Variants in SYPL1 observed in about 807,000 individuals in gnomAD.
SYPL1 encodes the protein synaptophysin-like protein 1.
Under a neutral mutation model 23.7 loss-of-function variants are expected in SYPL1, and 6 were observed. That is an observed-to-expected ratio of 0.25 (90% CI 0.14 to 0.50). The LOEUF is 0.50. SYPL1 is among the 20% of genes least tolerant of loss of function. SYPL1 has a pLI of 0.98. For synonymous variants in SYPL1, 102 were observed against 104.5 expected, an observed-to-expected ratio of 0.98 and a Z score of 0.15; for missense variants, 253 against 288.9, an observed-to-expected ratio of 0.88 and a Z score of 0.90.
At position 106,104,832 on chromosome 7, in the gene SYPL1, T is replaced by C. The variant is rs1840510211; in HGVS notation, c.70-5550A>G. Among the ~76,000 whole-genome samples, 1 of 152,224 alleles carries C rather than the reference T, an allele frequency of 6.6e-6. No homozygotes were observed. Among genetic ancestry groups the C allele is most frequent in the East Asian group, 1.9e-4 (1 of 5,200 alleles). ...CTTCTCCCTATATTCTACTGCTATT[T>C]TGATCTAGACTGGAAGTTATATACT... On this transcript the variant is annotated intron_variant, in intron 1 of 4. Coordinates refer to ENST00000455385, the MANE Select transcript of SYPL1 (RefSeq NM_182715.4). The surrounding 1 kb of genome is among the most constrained non-coding windows in gnomAD (Gnocchi z 4.1).
At position 106,104,844 on chromosome 7, in the gene SYPL1, G is replaced by A. The variant is rs1396262463; in HGVS notation, c.70-5562C>T. 1.3e-5 allele frequency among the ~76,000 whole-genome samples: 2 copies of A among 152,146 alleles called. No homozygotes were observed. The highest frequency in any genetic ancestry group is 4.8e-5 in the African/African-American group (2 of 41,408). ...TTCTACTGCTATTTTGATCTAGACT[G>A]GAAGTTATATACTGGCAGCCTGTTG... On this transcript the variant is annotated intron_variant, in intron 1 of 4. Transcript: ENST00000455385. This position sits in a 1 kb window ranked among gnomAD's most constrained non-coding sequence, Gnocchi z 4.1.
At chr7:106,108,362 A>G (rs987464727) in intron 1 of SYPL1, among the ~76,000 whole-genome samples, 15 of 152,148 alleles carry the variant, frequency 9.9e-5, no homozygotes, top group African/African-American at 3.4e-4. Flanking sequence ...TGCCACTGAC[A>G]TAATTTGAAT....
rs1335639479 is a variant in SYPL1 at position 106,097,355 on chromosome 7, AAG to A, written c.402+333_402+334del. Among the ~76,000 whole-genome samples the A allele has an allele frequency of 5.3e-5, 8 of 152,366 alleles. No individual in the cohort carries two copies. The highest frequency in any genetic ancestry group is 1.9e-4 in the African/African-American group (8 of 41,590). On this transcript the variant is annotated intron_variant, in intron 3 of 4. Transcript: ENST00000455385. The surrounding 1 kb of genome is among the most constrained non-coding windows in gnomAD (Gnocchi z 4.6). ...AGAAAGAAAAAAAGTAAGAAGCAGA[AAG>A]AGTTATGAGACTATGTTGTGATAAG... is the stretch of plus-strand genomic sequence containing the variant.
At chr7:106,112,051 GC>G (rs1790185222) in intron 1 of SYPL1, 88 bp downstream of exon 1, 1 of 1,217,420 alleles carries the variant, frequency 8.2e-7, no homozygotes, top group Non-Finnish European at 1.0e-6. Flanking sequence ...GCGCGGCAGG[GC>G]TGCGTCCCGG....
chr7:106,103,305 T>C (rs1345847325), intron 1 of SYPL1, among the ~76,000 whole-genome samples: 1 of 152,186 alleles, frequency 6.6e-6, no homozygotes, highest in Non-Finnish European at 1.5e-5. Context: ...ATAAAAACCA[T>C]GTTGCATATG....
chr7:106,093,098 C>T lies in SYPL1; in HGVS notation c.442G>A (p.Val148Met). The change falls in exon 4 of 5, where the codon GTG becomes ATG. Residue 148 changes from valine (V) to methionine (M), a missense_variant. Coordinates refer to ENST00000455385, the MANE Select transcript of SYPL1 (RefSeq NM_182715.4). Reference protein sequence around the residue: ...VTLVATFLWLVSTSAWAKALT... With the variant: ...VTLVATFLWLMSTSAWAKALT... ...GCTTTAGCCCAGGCTGAAGTGCTCA[C>T]CAACCACAAAAAAGTGGCAACAAGT... 2 of 1,610,496 alleles carry T rather than the reference C, an allele frequency of 1.2e-6. No individual in the cohort carries two copies. Among genetic ancestry groups the T allele is most frequent in the Non-Finnish European group, 1.7e-6 (2 of 1,178,792 alleles).
Position 106,104,972 on chromosome 7 carries a change from T to C in SYPL1, c.70-5690A>G, listed in dbSNP as rs1330113413. Among the ~76,000 whole-genome samples, 1 of 152,172 alleles carries C rather than the reference T, an allele frequency of 6.6e-6. No individual in the cohort carries two copies. The highest frequency in any genetic ancestry group is 1.5e-5 in the Non-Finnish European group (1 of 68,026). ...AATATCAGGGTATTACACATAAAAA[T>C]TTGGATTTCCTGCTTTTCCTGAGTG... is the stretch of plus-strand genomic sequence containing the variant. On this transcript the variant is annotated intron_variant, in intron 1 of 4. Transcript: ENST00000455385. This position sits in a 1 kb window ranked among gnomAD's most constrained non-coding sequence, Gnocchi z 4.1.
In SYPL1 at chr7:106,100,097, G is replaced by T. The variant is rs1840235852; in HGVS notation, c.70-815C>A. 2.0e-5 allele frequency among the ~76,000 whole-genome samples: 3 copies of T among 152,212 alleles called. No individual in the cohort carries two copies. The highest frequency in any genetic ancestry group is 2.0e-4 in the Admixed American group (3 of 15,282). On this transcript the variant is annotated intron_variant, in intron 1 of 4. Transcript: ENST00000455385. The surrounding 1 kb of genome is among the most constrained non-coding windows in gnomAD (Gnocchi z 5.1). ...TTTTTATTTGGAACACAAGTTACCA[G>T]TAATTTGTAAAGCCAAGAGGTTGTC... is the stretch of plus-strand genomic sequence containing the variant.
In SYPL1 at chr7:106,096,215, C is replaced by G. The variant is rs1840011425; in HGVS notation, c.402+1475G>C. The stretch of plus-strand genomic sequence containing the variant: ...ACAACCGAGAAGTATTTTATGAAAA[C>G]CTCTAGTTTTCTTGTGTCTCCTATG... On this transcript the variant is annotated intron_variant, in intron 3 of 4. Coordinates refer to ENST00000455385, the MANE Select transcript of SYPL1 (RefSeq NM_182715.4). This position sits in a 1 kb window ranked among gnomAD's most constrained non-coding sequence, Gnocchi z 4.4. 1 of 151,956 alleles carries G rather than the reference C, an allele frequency of 6.6e-6. No homozygotes were observed. Among genetic ancestry groups the G allele is most frequent in the Non-Finnish European group, 1.5e-5 (1 of 67,970 alleles). The allele number at this position is 151,956 out of a possible 1,614,324, so 9.4% of individuals were successfully genotyped here.
At chr7:106,092,535 T>A in intron 4 of SYPL1, 1 of 294,950 alleles carries the variant, frequency 3.4e-6, no homozygotes, top group Non-Finnish European at 6.6e-6. Context: ...TAGCTGGGAG[T>A]GGTGGCACAT....
Position 106,096,988 on chromosome 7 carries a change from GC to G in SYPL1, c.402+701del, listed in dbSNP as rs1398280868. On this transcript the variant is annotated intron_variant, in intron 3 of 4. Coordinates refer to ENST00000455385, the MANE Select transcript of SYPL1 (RefSeq NM_182715.4). The surrounding 1 kb of genome is among the most constrained non-coding windows in gnomAD (Gnocchi z 4.4). ...CCAGCACTTTGGGAGGCCAAGGCAGGCAGATCACTTGAGCCCAGGAGTTTGA... is the reference window on the plus strand; with the variant it reads ...CCAGCACTTTGGGAGGCCAAGGCAGGAGATCACTTGAGCCCAGGAGTTTGA... Among the ~76,000 whole-genome samples, 7 of 149,972 alleles carry G rather than the reference GC, an allele frequency of 4.7e-5. No homozygotes were observed. Among genetic ancestry groups the G allele is most frequent in the Non-Finnish European group, 8.8e-5 (6 of 68,042 alleles).
At position 106,109,054 on chromosome 7, in the gene SYPL1, A is replaced by G. The variant is rs1790012591; in HGVS notation, c.69+3086T>C. On this transcript the variant is annotated intron_variant, in intron 1 of 4. Coordinates refer to ENST00000455385, the MANE Select transcript of SYPL1 (RefSeq NM_182715.4). This position sits in a 1 kb window ranked among gnomAD's most constrained non-coding sequence, Gnocchi z 4.3. ...AAAAAACCAAAAACAAAAAAGAACAAAAAACCCCCACCAGTTTTACTTAAG... is the reference window on the plus strand; with the variant it reads ...AAAAAACCAAAAACAAAAAAGAACAGAAAACCCCCACCAGTTTTACTTAAG... Among the ~76,000 whole-genome samples the G allele has an allele frequency of 1.3e-5, 2 of 152,238 alleles. No individual in the cohort carries two copies. The highest frequency in any genetic ancestry group is 4.8e-5 in the African/African-American group (2 of 41,460).
intron 1 of SYPL1, among the ~76,000 whole-genome samples, chr7:106,110,779 A>C (rs1790103495): frequency 6.6e-6 from 1 of 152,218 alleles, no homozygotes; most frequent in Non-Finnish European, 1.5e-5. Flanking sequence ...AAAAAATATA[A>C]GCACAGATAT....
At chr7:106,108,421 A>G (rs1840726960) in intron 1 of SYPL1, among the ~76,000 whole-genome samples, 1 of 152,156 alleles carries the variant, frequency 6.6e-6, no homozygotes, top group Admixed American at 6.5e-5. Flanking sequence ...TATTTGATAT[A>G]GGCTCAACTT....
rs1464705876 is a variant in SYPL1 at position 106,100,333 on chromosome 7, T to C, written c.70-1051A>G. On this transcript the variant is annotated intron_variant, in intron 1 of 4. Transcript: ENST00000455385. This position sits in a 1 kb window ranked among gnomAD's most constrained non-coding sequence, Gnocchi z 5.1. Reference sequence around the variant, plus strand: ...AAACTATAATTCATCCATTCATTCATTCATGCAATGAAACATTATATAGCT... The same window carrying C: ...AAACTATAATTCATCCATTCATTCACTCATGCAATGAAACATTATATAGCT... 6.6e-6 allele frequency among the ~76,000 whole-genome samples: 1 copy of C among 152,226 alleles called. No homozygotes were observed. The highest frequency in any genetic ancestry group is 1.5e-5 in the Non-Finnish European group (1 of 68,044).
Position 106,093,115 on chromosome 7 carries a change from G to T in SYPL1, c.425C>A (p.Ala142Asp). 6.2e-7 allele frequency: 1 copy of T among 1,606,884 alleles called. No individual in the cohort carries two copies. The highest frequency in any genetic ancestry group is 1.3e-5 in the African/African-American group (1 of 74,644). ...AGTGCTCACCAACCACAAAAAAGTG[G>T]CAACAAGTGTAACAACAAAGTCCTA... is the stretch of plus-strand genomic sequence containing the variant. ...PMIDFVVTLV[A>D]TFLWLVSTSA... Residue 142 changes from alanine (A) to aspartate (D), a missense_variant, in exon 4 of 5, where the codon GCC becomes GAC. By Grantham distance (126) the Ala-to-Asp change is moderately radical. Transcript: ENST00000455385.
intron 1 of SYPL1, among the ~76,000 whole-genome samples, chr7:106,105,850 A>G (rs1307535038): frequency 6.6e-6 from 1 of 152,186 alleles, no homozygotes; most frequent in Non-Finnish European, 1.5e-5. Flanking sequence ...ATGCATTACA[A>G]TGTGAGTGGG....
intron 1 of SYPL1, among the ~76,000 whole-genome samples, chr7:106,108,706 T>C (rs903817995): frequency 1.3e-5 from 2 of 152,184 alleles, no homozygotes; most frequent in African/African-American, 4.8e-5. Flanking sequence ...TTGAGCTTTC[T>C]TCAGATTTAT....
chr7:106,100,842 T>C lies in SYPL1; in HGVS notation c.70-1560A>G, dbSNP rs6466084. 6.6e-6 allele frequency among the ~76,000 whole-genome samples: 1 copy of C among 152,122 alleles called. No individual in the cohort carries two copies. The highest frequency in any genetic ancestry group is 2.4e-5 in the African/African-American group (1 of 41,420). On this transcript the variant is annotated intron_variant, in intron 1 of 4. Transcript: ENST00000455385. This position sits in a 1 kb window ranked among gnomAD's most constrained non-coding sequence, Gnocchi z 5.1. ...CAAAACCCTCCAATGGCTTTTGAGC[T>C]CTCTATGAATAAAAACCAAAGTTCA...
Sources: gnomAD v4.1 joint callset for allele counts (sites outside exome capture counted in the v4.1 genomes callset) on GRCh38, gnomAD v4.1.1 for gene constraint, Gnocchi (gnomAD v3.1) non-coding constraint, MANE v1.5 for transcripts, NCBI Gene and HGNC (gene_info 2026-07-23, HGNC 2026-07-21) for gene names.